The following EPHB2 variants were observed in gnomAD, a reference collection of about 807,000 sequenced individuals.
EPHB2 encodes ephrin type-B receptor 2.
EPHB2 carries 18 observed loss-of-function variants against 96.4 expected under a neutral mutation model. That is an observed-to-expected ratio of 0.19 (90% CI 0.13 to 0.28). EPHB2 has a LOEUF of 0.28. Among genes scored for constraint, EPHB2 ranks in the 10% least tolerant of loss-of-function variants. EPHB2 has a pLI of 1.00. For synonymous variants in EPHB2, 506 were observed against 534.1 expected, an observed-to-expected ratio of 0.95 and a Z score of 0.72; for missense variants, 989 against 1,355.4, an observed-to-expected ratio of 0.73 and a Z score of 4.25.
chr1:22,860,530 G>A lies in EPHB2; in HGVS notation c.812-2507G>A, dbSNP rs987269501. Among the ~76,000 whole-genome samples the A allele has an allele frequency of 6.6e-6, 1 of 152,116 alleles. No homozygotes were observed. The highest frequency in any genetic ancestry group is 1.5e-5 in the Non-Finnish European group (1 of 68,022). Reference sequence around the variant, plus strand: ...CTGAGAGGGAGCCAGGACACTGCAAGGGGGAGAGGGCAGCCAGAAAGGCAG... The same window carrying A: ...CTGAGAGGGAGCCAGGACACTGCAAAGGGGAGAGGGCAGCCAGAAAGGCAG... On this transcript the variant is annotated intron_variant, in intron 3 of 15. Transcript: ENST00000374630. The surrounding 1 kb of genome is among the most constrained non-coding windows in gnomAD (Gnocchi z 4.6).
At chr1:22,855,088 G>A (rs549841809) in intron 3 of EPHB2, among the ~76,000 whole-genome samples, 2 of 152,340 alleles carry the variant, frequency 1.3e-5, no homozygotes, top group African/African-American at 2.4e-5. Context: ...AAGCCCTAGA[G>A]GGGGTGCCAG....
At chr1:22,800,043 G>A (rs1374086102) in intron 3 of EPHB2, among the ~76,000 whole-genome samples, 2 of 152,208 alleles carry the variant, frequency 1.3e-5, no homozygotes, top group Non-Finnish European at 2.9e-5. Context: ...CCCCACATCC[G>A]TATCCCTGGC....
chr1:22,781,566 T>C, intron 2 of EPHB2, 81 bp downstream of exon 2: 1 of 1,405,666 alleles, frequency 7.1e-7, no homozygotes, highest in Non-Finnish European at 1.0e-6. Context: ...CCCCCTCATA[T>C]TCTAACCCCT....
chr1:22,723,048 T>C (rs977812898), intron 1 of EPHB2, among the ~76,000 whole-genome samples: 1 of 152,192 alleles, frequency 6.6e-6, no homozygotes, highest in South Asian at 2.1e-4. Flanking sequence ...GGGTGCAAGC[T>C]GCCTGGCCCC....
At chr1:22,849,740 G>A (rs1194929002) in intron 3 of EPHB2, among the ~76,000 whole-genome samples, 1 of 152,126 alleles carries the variant, frequency 6.6e-6, no homozygotes, top group Non-Finnish European at 1.5e-5. Context: ...AAATTGTATT[G>A]AATGGTATTG....
intron 1 of EPHB2, among the ~76,000 whole-genome samples, chr1:22,729,624 G>A (rs1224735271): frequency 6.6e-6 from 1 of 152,138 alleles, no homozygotes; most frequent in Admixed American, 6.5e-5. Context: ...CCCTTTAGCT[G>A]GAATGCTGTT....
chr1:22,777,626 G>A lies in EPHB2; in HGVS notation c.62-3795G>A, dbSNP rs113725526. On this transcript the variant is annotated intron_variant, in intron 1 of 15. Coordinates refer to ENST00000374630, the MANE Select transcript of EPHB2 (RefSeq NM_017449.5). ...TGAGAGGAACAAAGAGGAAACTCAG[G>A]GCACCCCAGGGAAAGCAGCATCAGA... 5.7e-3 allele frequency among the ~76,000 whole-genome samples: 863 copies of A among 152,266 alleles called. 15 individuals are homozygous for A. Among genetic ancestry groups the A allele is most frequent in the African/African-American group, 0.02 (819 of 41,534 alleles).
chr1:22,795,787 T>C (rs4655110), intron 3 of EPHB2, among the ~76,000 whole-genome samples: 115,625 of 152,066 alleles, frequency 0.76, 44,378 homozygotes, highest in Middle Eastern at 0.87. Flanking sequence ...TAGAACCCAG[T>C]GCTGCAGGCT....
intron 3 of EPHB2, among the ~76,000 whole-genome samples, chr1:22,801,065 G>C (rs1344734697): frequency 2.0e-5 from 3 of 152,226 alleles, no homozygotes; most frequent in Non-Finnish European, 4.4e-5. Flanking sequence ...GGTACAGGGG[G>C]CAGGCTCCCT....
intron 5 of EPHB2, among the ~76,000 whole-genome samples, chr1:22,879,388 C>G (rs979281774): frequency 6.6e-6 from 1 of 152,226 alleles, no homozygotes; most frequent in African/African-American, 2.4e-5. Flanking sequence ...GGACACCGAC[C>G]ACTGACAAGC....
Position 22,914,835 on chromosome 1 carries a change from G to C in EPHB2, c.*1265G>C, listed in dbSNP as rs1640224554. The C allele has an allele frequency of 6.6e-6, 1 of 152,616 alleles. No homozygotes were observed. The highest frequency in any genetic ancestry group is 2.4e-5 in the African/African-American group (1 of 41,434). The allele number at this position is 152,616 out of a possible 1,614,324, so 9.5% of individuals were successfully genotyped here. A position where few individuals can be genotyped will look rare whatever the true frequency, so the allele number is the denominator to read the frequency against. The stretch of plus-strand genomic sequence containing the variant: ...GAGGGGGAGGCGCCAAGGTGGAGGA[G>C]CTTCCCACTCCAGGACTGTTGATGA... On this transcript the variant is annotated 3_prime_UTR_variant, in exon 16 of 16. Transcript: ENST00000374630.
At chr1:22,834,682 T>C (rs1014775530) in intron 3 of EPHB2, among the ~76,000 whole-genome samples, 2 of 151,988 alleles carry the variant, frequency 1.3e-5, no homozygotes, top group South Asian at 2.1e-4. Context: ...TCCAGCACTT[T>C]GGGAGGCTGA....
chr1:22,731,382 T>C (rs547529405), intron 1 of EPHB2, among the ~76,000 whole-genome samples: 27 of 152,204 alleles, frequency 1.8e-4, no homozygotes, highest in African/African-American at 6.3e-4. Flanking sequence ...CGAGGGGCTC[T>C]GCAGTCACAC....
At chr1:22,831,865 G>T (rs192913139) in intron 3 of EPHB2, among the ~76,000 whole-genome samples, 134 of 152,248 alleles carry the variant, frequency 8.8e-4, no homozygotes, top group Admixed American at 2.0e-3. Context: ...GACCATCATG[G>T]GTTCCAGAGG....
At chr1:22,805,328 T>C (rs765301181) in intron 3 of EPHB2, among the ~76,000 whole-genome samples, 38 of 151,584 alleles carry the variant, frequency 2.5e-4, no homozygotes, top group Non-Finnish European at 5.0e-4. Context: ...AGCCTCAGTT[T>C]CCCCCCCAGG....
intron 3 of EPHB2, among the ~76,000 whole-genome samples, chr1:22,853,083 G>C (rs1044508458): frequency 6.6e-6 from 1 of 152,236 alleles, no homozygotes; most frequent in African/African-American, 2.4e-5. Context: ...GGGCACGGTG[G>C]CTCATGCCTG....
intron 1 of EPHB2, among the ~76,000 whole-genome samples, chr1:22,751,190 AAGAAC>A (rs1644056983): frequency 6.6e-6 from 1 of 152,186 alleles, no homozygotes; most frequent in South Asian, 2.1e-4. Context: ...GGATGCTCTG[AAGAAC>A]AGAGAGGGGA....
At chr1:22,767,318 G>A (rs1644321159) in intron 1 of EPHB2, among the ~76,000 whole-genome samples, 1 of 152,168 alleles carries the variant, frequency 6.6e-6, no homozygotes, top group Admixed American at 6.5e-5. Flanking sequence ...GCCACTACCT[G>A]CATCAGCTCT....
intron 3 of EPHB2, among the ~76,000 whole-genome samples, chr1:22,789,114 C>A (rs866987544): frequency 6.6e-6 from 1 of 152,108 alleles, no homozygotes; most frequent in Non-Finnish European, 1.5e-5. Flanking sequence ...TGAGCTCAGA[C>A]GCACGATGTG....
Sources: allele counts gnomAD v4.1 joint callset (sites outside exome capture counted in the v4.1 genomes callset), GRCh38; gene constraint gnomAD v4.1.1; non-coding constraint Gnocchi (gnomAD v3.1); transcripts MANE v1.5; gene names NCBI Gene and HGNC (gene_info 2026-07-23, HGNC 2026-07-21).